OR7E24: variants seen among roughly 807,000 people sequenced by gnomAD.
The protein encoded by OR7E24 is olfactory receptor 7E24.
For missense variants in OR7E24, 385 were observed against 410.3 expected, an observed-to-expected ratio of 0.94 and a Z score of 0.53; for synonymous variants, 130 against 157.5, an observed-to-expected ratio of 0.83 and a Z score of 1.31.
chr19:9,214,700 A>G, the OR7E24 span: 17 of 1,614,110 alleles, frequency 1.1e-5, no homozygotes, highest in Non-Finnish European at 1.2e-5. Flanking sequence ...TGACGGCCAG[A>G]ATGATGAGCA....
the OR7E24 span, among the ~76,000 whole-genome samples, chr19:9,239,695 CT>C: frequency 4.9e-5 from 7 of 142,556 alleles, no homozygotes; most frequent in Non-Finnish European, 1.5e-5. Context: ...AATATTCTTT[CT>C]TTTTCTTTTT....
At chr19:9,248,435 G>C (rs1444737417), upstream of OR7E24, among the ~76,000 whole-genome samples, 1 of 152,122 alleles carries the variant, frequency 6.6e-6, no homozygotes, top group Non-Finnish European at 1.5e-5. Context: ...TTTGCACCAG[G>C]CAGTCTAAGT....
At chr19:9,236,087 A>T in the OR7E24 span, 1 of 1,393,082 alleles carries the variant, frequency 7.2e-7, no homozygotes, top group South Asian at 1.2e-5. Context: ...CTCTTACGGT[A>T]CACAACCTCA....
the OR7E24 span, among the ~76,000 whole-genome samples, chr19:9,237,617 G>A: frequency 6.6e-6 from 1 of 151,992 alleles, no homozygotes; most frequent in Non-Finnish European, 1.5e-5. Context: ...GCCCGGCCTA[G>A]ATTGTTTTAT....
chr19:9,216,567 A>C, the OR7E24 span, among the ~76,000 whole-genome samples: 1 of 152,078 alleles, frequency 6.6e-6, no homozygotes, highest in East Asian at 1.9e-4. Context: ...CATACAATGG[A>C]TATTTCACAC....
chr19:9,215,246 G>A, the OR7E24 span, among the ~76,000 whole-genome samples: 1 of 149,736 alleles, frequency 6.7e-6, no homozygotes, highest in Non-Finnish European at 1.5e-5. Flanking sequence ...AGGAGGCTGA[G>A]GCAGGAGAAT....
upstream of OR7E24, among the ~76,000 whole-genome samples, chr19:9,248,064 C>T (rs578156375): frequency 1.3e-5 from 2 of 152,250 alleles, no homozygotes; most frequent in African/African-American, 2.4e-5. Flanking sequence ...TAACTTTTGA[C>T]TCTGATGAAA....
the OR7E24 span, among the ~76,000 whole-genome samples, chr19:9,233,193 A>G: frequency 4.6e-5 from 7 of 152,182 alleles, no homozygotes; most frequent in Non-Finnish European, 1.0e-4. Flanking sequence ...TTCCTAGACT[A>G]AATTCGTCTT....
the OR7E24 span, among the ~76,000 whole-genome samples, chr19:9,229,130 G>A: frequency 2.6e-4 from 39 of 152,260 alleles, no homozygotes; most frequent in African/African-American, 8.4e-4. Context: ...AGATCCCTTT[G>A]CCTCTATAAC....
At chr19:9,231,357 G>T in the OR7E24 span, among the ~76,000 whole-genome samples, 1 of 152,122 alleles carries the variant, frequency 6.6e-6, no homozygotes, top group Non-Finnish European at 1.5e-5. Context: ...CAAGGCGGGT[G>T]GATCATGAGG....
the OR7E24 span, among the ~76,000 whole-genome samples, chr19:9,217,363 A>AT: frequency 6.6e-6 from 1 of 152,192 alleles, no homozygotes; most frequent in African/African-American, 2.4e-5. Flanking sequence ...TTGAAAAAAA[A>AT]TTTGCATTTT....
the OR7E24 span, chr19:9,209,248 G>A: frequency 3.3e-5 from 5 of 152,168 alleles, no homozygotes; most frequent in East Asian, 3.9e-4. Flanking sequence ...GCTCTTAAAC[G>A]TGGGACTTTT....
chr19:9,236,095 T>A, the OR7E24 span: 1 of 1,341,890 alleles, frequency 7.5e-7, no homozygotes, highest in Non-Finnish European at 1.1e-6. Context: ...GTACACAACC[T>A]CAGAACTAAG....
At chr19:9,248,050 G>C (rs1043960076), upstream of OR7E24, among the ~76,000 whole-genome samples, 1 of 152,084 alleles carries the variant, frequency 6.6e-6, no homozygotes, top group Non-Finnish European at 1.5e-5. Context: ...CCTATTCCCT[G>C]GGTTAACTTT....
the OR7E24 span, chr19:9,207,358 T>A: frequency 2.0e-5 from 3 of 152,164 alleles, no homozygotes; most frequent in African/African-American, 7.2e-5. Context: ...ATTCAGCCTT[T>A]AAGAAATGAA....
chr19:9,243,023 G>A (rs116448041), upstream of OR7E24, among the ~76,000 whole-genome samples: 1,673 of 151,970 alleles, frequency 0.011, 32 homozygotes, highest in African/African-American at 0.038. Context: ...ATAATTATAC[G>A]ATAGAAAAGA....
At chr19:9,217,056 A>G in the OR7E24 span, among the ~76,000 whole-genome samples, 2 of 152,206 alleles carry the variant, frequency 1.3e-5, no homozygotes, top group East Asian at 1.9e-4. Flanking sequence ...CTCTCAACTC[A>G]TGAAGATCCC....
upstream of OR7E24, among the ~76,000 whole-genome samples, chr19:9,248,743 A>G (rs1441414796): frequency 1.3e-5 from 2 of 152,228 alleles, no homozygotes; most frequent in African/African-American, 4.8e-5. Flanking sequence ...AAATAAAATC[A>G]GGGTCTTGGA....
At chr19:9,231,545 G>A in the OR7E24 span, among the ~76,000 whole-genome samples, 1,495 of 152,034 alleles carry the variant, frequency 9.8e-3, 15 homozygotes, top group Non-Finnish European at 0.016. Context: ...GCGCCACTGC[G>A]CTCCAGCCTA....
Sources: allele counts gnomAD v4.1 joint callset (sites outside exome capture counted in the v4.1 genomes callset), GRCh38; gene constraint gnomAD v4.1.1; transcripts MANE v1.5; gene names NCBI Gene and HGNC (gene_info 2026-07-23, HGNC 2026-07-21).